ZSWIM8: variants seen among roughly 807,000 people sequenced by gnomAD.
ZSWIM8 encodes zinc finger SWIM domain-containing protein 8.
Under a neutral mutation model 173.7 loss-of-function variants are expected in ZSWIM8, and 27 were observed. That is an observed-to-expected ratio of 0.16 (90% CI 0.11 to 0.21). The LOEUF (loss-of-function observed/expected upper bound fraction) is 0.21. Among genes scored for constraint, ZSWIM8 ranks in the 10% least tolerant of loss-of-function variants. The pLI is 1.00. For missense variants in ZSWIM8, 1,627 were observed against 2,428.8 expected, an observed-to-expected ratio of 0.67 and a Z score of 6.94; for synonymous variants, 958 against 962.0, an observed-to-expected ratio of 1.00 and a Z score of 0.08.
Position 73,801,290 on chromosome 10 carries a change from C to T in ZSWIM8, c.5302-26C>T. On this transcript the variant is annotated intron_variant, in intron 25 of 25. Transcript: ENST00000604729. This position sits in a 1 kb window ranked among gnomAD's most constrained non-coding sequence, Gnocchi z 4.9. Reference sequence around the variant, plus strand: ...CCTGTTTCTGTGCTTTGTACTAAGGCTCATCCTGCACACATCCTCCTCCAG... The same window carrying T: ...CCTGTTTCTGTGCTTTGTACTAAGGTTCATCCTGCACACATCCTCCTCCAG... 15 of 1,611,936 alleles carry T rather than the reference C, an allele frequency of 9.3e-6. No individual in the cohort carries two copies. Among genetic ancestry groups the T allele is most frequent in the African/African-American group, 1.3e-5 (1 of 75,016 alleles).
chr10:73,795,766 T>C, intron 15 of ZSWIM8, 103 bp downstream of exon 15: 1 of 1,323,010 alleles, frequency 7.6e-7, no homozygotes, highest in African/African-American at 1.5e-5. Flanking sequence ...GAGACAAGCC[T>C]GGGCAACATG....
chr10:73,792,727 C>G lies in ZSWIM8; in HGVS notation c.2188C>G (p.Gln730Glu), dbSNP rs745441689. The change falls in exon 10 of 26, where the codon CAG (glutamine) becomes GAG (glutamate). Residue 730 changes from glutamine to glutamate, a missense_variant. This residue lies in a region of ZSWIM8 where 383 missense variants were observed against 394.8 expected (regional missense o/e 0.97). Coordinates refer to ENST00000604729, the MANE Select transcript of ZSWIM8 (RefSeq NM_001367799.1). This position sits in a 1 kb window ranked among gnomAD's most constrained non-coding sequence, Gnocchi z 4.3. The stretch of plus-strand genomic sequence containing the variant: ...AGTTGGAGAGGAGGATGATGACTAC[C>G]AGGCGTACTATCTGAATGCCCAGGA... ...PAVGEEDDDY[Q>E]AYYLNAQDGA... The G allele has an allele frequency of 1.9e-6, 3 of 1,613,644 alleles. No homozygotes were observed. The African/African-American group carries it at 4.0e-5, about 22-fold the overall frequency.
chr10:73,800,888 G>C lies in ZSWIM8; in HGVS notation c.5122+129G>C. 8.4e-7 allele frequency: 1 copy of C among 1,197,002 alleles called. No homozygotes were observed. The highest frequency in any genetic ancestry group is 2.6e-5 in the East Asian group (1 of 39,060). The allele number at this position is 1,197,002 out of a possible 1,614,324, so 74.1% of individuals were successfully genotyped here. On this transcript the variant is annotated intron_variant, in intron 24 of 25. Coordinates refer to ENST00000604729, the MANE Select transcript of ZSWIM8 (RefSeq NM_001367799.1). This position sits in a 1 kb window ranked among gnomAD's most constrained non-coding sequence, Gnocchi z 4.1. ...GGTCGGGTATGTGTGCGTGCGCGGGGGGCGGAGGGTTACCTCAGCTCCTGG... is the reference window on the plus strand; with the variant it reads ...GGTCGGGTATGTGTGCGTGCGCGGGCGGCGGAGGGTTACCTCAGCTCCTGG...
intron 1 of ZSWIM8, 166 bp downstream of exon 1, chr10:73,786,252 C>A: frequency 1.3e-6 from 1 of 775,176 alleles, no homozygotes; most frequent in Non-Finnish European, 1.9e-6. Context: ...CTGTCCCAAG[C>A]TTAGAACAGA....
intron 7 of ZSWIM8, 147 bp downstream of exon 7, chr10:73,790,439 C>T (rs1589559546): frequency 2.5e-6 from 3 of 1,200,138 alleles, no homozygotes; most frequent in South Asian, 1.6e-5. Context: ...TTGTCACTAA[C>T]GAATTGATGG....
intron 21 of ZSWIM8, chr10:73,799,787 C>T (rs1028569029): frequency 3.8e-5 from 24 of 630,648 alleles, no homozygotes; most frequent in South Asian, 1.8e-4. Flanking sequence ...GCTGAGTGCA[C>T]GCCTGTAATC....
chr10:73,795,689 G>T, intron 15 of ZSWIM8, 26 bp downstream of exon 15: 1 of 1,603,706 alleles, frequency 6.2e-7, no homozygotes, highest in Non-Finnish European at 8.5e-7. Context: ...TGGGTGCGGT[G>T]GCTCATGCCT....
rs1222552116 is a variant in ZSWIM8, at chr10:73,800,177, TGTG to T, written c.4825+9_4825+11del. On this transcript the variant is annotated splice_region_variant and intron_variant, in intron 22 of 25. Transcript: ENST00000604729. The surrounding 1 kb of genome is among the most constrained non-coding windows in gnomAD (Gnocchi z 4.1). ...CTGCCCACCAGTGTGGCCTGTGAGT[TGTG>T]GGGCCAGGGAACAGGTGAATGGAGG... The T allele has an allele frequency of 1.2e-6, 2 of 1,613,498 alleles. No individual in the cohort carries two copies. The highest frequency in any genetic ancestry group is 2.2e-5 in the East Asian group (1 of 44,882).
chr10:73,796,967 G>A lies in ZSWIM8; in HGVS notation c.3227G>A (p.Gly1076Glu). ...AGPAQPGSVA[G>E]AGPGPTEGFT... is the part of the protein sequence containing the mutation. ...CCTGCTCAACCAGGGAGTGTGGCAGGGGCTGGGCCAGGCCCCACTGAGGGC... is the reference window on the plus strand; with the variant it reads ...CCTGCTCAACCAGGGAGTGTGGCAGAGGCTGGGCCAGGCCCCACTGAGGGC... Residue 1076 changes from glycine (G) to glutamate (E), a missense_variant, in exon 16 of 26, where the codon GGG (glycine) becomes GAG (glutamate). By Grantham distance (98) the Gly-to-Glu change is moderately conservative. This residue lies in a region of ZSWIM8 where 163 missense variants were observed against 193.2 expected (regional missense o/e 0.84). Coordinates refer to ENST00000604729, the MANE Select transcript of ZSWIM8 (RefSeq NM_001367799.1). 4 of 1,613,724 alleles carry A rather than the reference G, an allele frequency of 2.5e-6. No individual in the cohort carries two copies. Among genetic ancestry groups the A allele is most frequent in the Non-Finnish European group, 2.5e-6 (3 of 1,179,720 alleles).
intron 1 of ZSWIM8, among the ~76,000 whole-genome samples, chr10:73,788,349 C>G (rs556818349): frequency 6.6e-6 from 1 of 152,206 alleles, no homozygotes; most frequent in Non-Finnish European, 1.5e-5. Context: ...AGTGCTGAGC[C>G]ATGTGAGCAG....
chr10:73,792,266 A>G lies in ZSWIM8; in HGVS notation c.1727A>G (p.His576Arg), dbSNP rs908169110. 3.8e-6 allele frequency: 6 copies of G among 1,598,166 alleles called. No individual in the cohort carries two copies. Among genetic ancestry groups the G allele is most frequent in the South Asian group, 2.2e-5 (2 of 89,144 alleles). ...LSAEGGDKAL[H>R]KMGPGGGKAK... is the part of the protein sequence containing the mutation. ...GCTGAAGGGGGAGATAAAGCTCTAC[A>G]TAAGATGGGTCCAGGTGGGGGCAAA... is the stretch of plus-strand genomic sequence containing the variant. Residue 576 changes from histidine (H) to arginine (R), a missense_variant, in exon 10 of 26, where the codon CAT becomes CGT. This residue lies in a region of ZSWIM8 where 383 missense variants were observed against 394.8 expected (regional missense o/e 0.97). Coordinates refer to ENST00000604729, the MANE Select transcript of ZSWIM8 (RefSeq NM_001367799.1). The surrounding 1 kb of genome is among the most constrained non-coding windows in gnomAD (Gnocchi z 4.3).
In ZSWIM8 at chr10:73,792,871, G is replaced by T. The variant is rs1565076737; in HGVS notation, c.2313+19G>T. The T allele has an allele frequency of 1.3e-6, 2 of 1,527,884 alleles. No individual in the cohort carries two copies. The highest frequency in any genetic ancestry group is 1.8e-6 in the Non-Finnish European group (2 of 1,142,642). The allele number at this position is 1,527,884 out of a possible 1,614,324, so 94.6% of individuals were successfully genotyped here. ...CATGGAGGTGAGGGGATGGAAGGAGGGAGGGCTGGGTGCTCCTTAGCCACA... is the reference window on the plus strand; with the variant it reads ...CATGGAGGTGAGGGGATGGAAGGAGTGAGGGCTGGGTGCTCCTTAGCCACA... On this transcript the variant is annotated intron_variant, in intron 10 of 25. Transcript: ENST00000604729. This position sits in a 1 kb window ranked among gnomAD's most constrained non-coding sequence, Gnocchi z 4.3.
intron 1 of ZSWIM8, among the ~76,000 whole-genome samples, chr10:73,787,232 CCG>C (rs2083259983): frequency 6.6e-6 from 1 of 152,186 alleles, no homozygotes; most frequent in African/African-American, 2.4e-5. Context: ...GCGTGAGCCA[CCG>C]CTCCCGGCAT....
intron 6 of ZSWIM8, 48 bp from the exon 7 acceptor site, chr10:73,790,124 C>G: frequency 6.2e-7 from 1 of 1,610,720 alleles, no homozygotes; most frequent in South Asian, 1.1e-5. Flanking sequence ...TGTTGTCAGG[C>G]AAATCCAGGC....
intron 1 of ZSWIM8, chr10:73,786,700 A>G (rs1291448556): frequency 6.6e-6 from 1 of 152,238 alleles, no homozygotes; most frequent in African/African-American, 2.4e-5. Flanking sequence ...ATAGGTTTAG[A>G]TCATAGACTT....
At chr10:73,798,184 G>A in intron 19 of ZSWIM8, 46 bp from the exon 20 acceptor site, 1 of 1,607,076 alleles carries the variant, frequency 6.2e-7, no homozygotes, top group East Asian at 2.2e-5. Flanking sequence ...ACACCCCAGT[G>A]GTGCCCACAC....
chr10:73,792,231 C>A lies in ZSWIM8; in HGVS notation c.1692C>A (p.Arg564=). The change falls in exon 10 of 26, where the codon CGC becomes CGA. Residue 564 remains arginine (R), a synonymous_variant. Coordinates refer to ENST00000604729, the MANE Select transcript of ZSWIM8 (RefSeq NM_001367799.1). The surrounding 1 kb of genome is among the most constrained non-coding windows in gnomAD (Gnocchi z 4.3). ...EGVPSSQRGP[R]RLSAEGGDKA... Reference sequence around the variant, plus strand: ...TCCCCTCATCACAGCGGGGTCCCCGCCGCCTCTCAGCTGAAGGGGGAGATA... The same window carrying A: ...TCCCCTCATCACAGCGGGGTCCCCGACGCCTCTCAGCTGAAGGGGGAGATA... 6.4e-7 allele frequency: 1 copy of A among 1,558,148 alleles called. No homozygotes were observed. Among genetic ancestry groups the A allele is most frequent in the Non-Finnish European group, 8.7e-7 (1 of 1,151,456 alleles).
At position 73,801,610 on chromosome 10, in the gene ZSWIM8, C is replaced by A. The variant is rs897866228; in HGVS notation, c.*91C>A. Reference sequence around the variant, plus strand: ...GGGAGTGAAACTTGGCTGGACAGATCATCCTCACTCAGTTCCCTGGTAGCA... The same window carrying A: ...GGGAGTGAAACTTGGCTGGACAGATAATCCTCACTCAGTTCCCTGGTAGCA... On this transcript the variant is annotated 3_prime_UTR_variant, in exon 26 of 26. Transcript: ENST00000604729. The surrounding 1 kb of genome is among the most constrained non-coding windows in gnomAD (Gnocchi z 4.9). 6.5e-7 allele frequency: 1 copy of A among 1,546,920 alleles called. No individual in the cohort carries two copies. Among genetic ancestry groups the A allele is most frequent in the Non-Finnish European group, 8.7e-7 (1 of 1,151,318 alleles).
In ZSWIM8 at chr10:73,793,657, G is replaced by C. The variant is rs1238388034; in HGVS notation, c.2383G>C (p.Glu795Gln). Residue 795 changes from glutamate to glutamine, a missense_variant, in exon 11 of 26, where the codon GAG (glutamate) becomes CAG (glutamine). Physicochemically the swap from Glu to Gln is conservative, Grantham distance 29. Coordinates refer to ENST00000604729, the MANE Select transcript of ZSWIM8 (RefSeq NM_001367799.1). The stretch of plus-strand genomic sequence containing the variant: ...CAGTGAGGCCTCCCGTCTCACTGTG[G>C]AGCTTGCCCAGGATCTGCTAGCCAA... ...YSSEASRLTVELAQDLLANPP... is the reference protein window; with the variant it reads ...YSSEASRLTVQLAQDLLANPP... The C allele has an allele frequency of 3.1e-6, 5 of 1,613,748 alleles. No individual in the cohort carries two copies. In the East Asian group the frequency reaches 1.1e-4, roughly 36 times the overall value.
Sources: gnomAD v4.1 joint callset for allele counts (sites outside exome capture counted in the v4.1 genomes callset) on GRCh38, gnomAD v4.1.1 for gene constraint, gnomAD v4.1.1 regional missense constraint, Gnocchi (gnomAD v3.1) non-coding constraint, MANE v1.5 for transcripts, NCBI Gene and HGNC (gene_info 2026-07-23, HGNC 2026-07-21) for gene names.